REDIC1: variants seen among roughly 807,000 people sequenced by gnomAD.
REDIC1 encodes the protein regulator of DNA class I crossover intermediates 1.
the REDIC1 span, among the ~76,000 whole-genome samples, chr12:39,775,982 G>C: frequency 6.6e-6 from 1 of 152,128 alleles, no homozygotes; most frequent in Non-Finnish European, 1.5e-5. Context: ...GGAGCATTTT[G>C]GATTTTAGAT....
At chr12:39,643,997 T>C in the REDIC1 span, 5 of 1,170,222 alleles carry the variant, frequency 4.3e-6, no homozygotes, top group Middle Eastern at 2.2e-4. Flanking sequence ...TTTGTAATTT[T>C]TGAGCTCAAA....
chr12:39,864,728 C>T, the REDIC1 span: 1 of 1,608,134 alleles, frequency 6.2e-7, no homozygotes, highest in Non-Finnish European at 8.5e-7. Context: ...TTACCAGAGT[C>T]ATGTAAAGGA....
the REDIC1 span, among the ~76,000 whole-genome samples, chr12:39,690,845 A>C: frequency 6.6e-6 from 1 of 152,176 alleles, no homozygotes; most frequent in African/African-American, 2.4e-5. Context: ...ATTTGTGAAT[A>C]ACTTAGTGTC....
chr12:39,843,409 G>A, the REDIC1 span, among the ~76,000 whole-genome samples: 1 of 151,998 alleles, frequency 6.6e-6, no homozygotes, highest in Non-Finnish European at 1.5e-5. Flanking sequence ...CCAGCAGAAT[G>A]AAAATTTTAT....
At chr12:39,692,155 CT>C in the REDIC1 span, 1 of 1,408,050 alleles carries the variant, frequency 7.1e-7, no homozygotes, top group Non-Finnish European at 9.5e-7. Context: ...ATTTTAAAAA[CT>C]AACAATTAAA....
chr12:39,643,186 A>G, the REDIC1 span, among the ~76,000 whole-genome samples: 8 of 151,732 alleles, frequency 5.3e-5, no homozygotes, highest in African/African-American at 9.7e-5. Context: ...AAGAATGGCA[A>G]TAAGAAAGAA....
the REDIC1 span, among the ~76,000 whole-genome samples, chr12:39,872,578 C>T: frequency 1.3e-5 from 2 of 152,188 alleles, no homozygotes; most frequent in East Asian, 3.9e-4. Context: ...TGATTAAGCT[C>T]TGTAGACTCA....
At chr12:39,746,481 G>T in the REDIC1 span, among the ~76,000 whole-genome samples, 2 of 152,164 alleles carry the variant, frequency 1.3e-5, no homozygotes, top group Non-Finnish European at 2.9e-5. Context: ...GCCTGCCTCT[G>T]TAGACTCCAC....
the REDIC1 span, among the ~76,000 whole-genome samples, chr12:39,898,427 C>G: frequency 6.6e-6 from 1 of 152,060 alleles, no homozygotes; most frequent in East Asian, 1.9e-4. Context: ...AGTAAAATAA[C>G]CAGTGTTTGT....
chr12:39,627,397 T>A, the REDIC1 span, among the ~76,000 whole-genome samples: 1 of 152,216 alleles, frequency 6.6e-6, no homozygotes, highest in Admixed American at 6.5e-5. Context: ...AATTTAGTAT[T>A]CTTTAAAATA....
the REDIC1 span, chr12:39,864,752 G>A: frequency 6.2e-7 from 1 of 1,612,004 alleles, no homozygotes; most frequent in Non-Finnish European, 8.5e-7. Context: ...AGAACATAAT[G>A]GAATCTCACC....
At chr12:39,895,809 T>TACGTACACACATGTATATGCGTGTAC in the REDIC1 span, among the ~76,000 whole-genome samples, 1 of 93,016 alleles carries the variant, frequency 1.1e-5, no homozygotes, top group African/African-American at 4.5e-5. Flanking sequence ...TATGCGTGTA[T>TACGTACACACATGTATATGCGTGTAC]ACGTACACAC....
the REDIC1 span, among the ~76,000 whole-genome samples, chr12:39,711,571 G>C: frequency 1.2e-5 from 1 of 86,614 alleles, no homozygotes; most frequent in South Asian, 3.8e-4. Context: ...ATGTGTATAT[G>C]TGCATACACA....
chr12:39,688,332 G>A, the REDIC1 span, among the ~76,000 whole-genome samples: 1 of 152,206 alleles, frequency 6.6e-6, no homozygotes, highest in South Asian at 2.1e-4. Context: ...TGTGATGGAG[G>A]AGGTAACTTT....
the REDIC1 span, among the ~76,000 whole-genome samples, chr12:39,660,550 T>TA: frequency 2.0e-5 from 3 of 152,176 alleles, no homozygotes; most frequent in Admixed American, 2.0e-4. Flanking sequence ...TTGTACATAT[T>TA]ACTGGGGTAC....
At chr12:39,702,717 A>G in the REDIC1 span, among the ~76,000 whole-genome samples, 2 of 152,352 alleles carry the variant, frequency 1.3e-5, no homozygotes, top group South Asian at 2.1e-4. Context: ...CCAGCAGCAC[A>G]TGAAAAAGCT....
the REDIC1 span, among the ~76,000 whole-genome samples, chr12:39,900,553 CAGAG>C: frequency 6.6e-6 from 1 of 152,028 alleles, no homozygotes; most frequent in Non-Finnish European, 1.5e-5. Flanking sequence ...AACAGACAAA[CAGAG>C]AGCCAAATCA....
the REDIC1 span, among the ~76,000 whole-genome samples, chr12:39,748,167 T>G: frequency 2.6e-5 from 4 of 152,124 alleles, no homozygotes; most frequent in Admixed American, 2.6e-4. Flanking sequence ...GTGTGCTGTA[T>G]TCAGGAGACC....
At chr12:39,646,245 T>G in the REDIC1 span, 1 of 400,078 alleles carries the variant, frequency 2.5e-6, no homozygotes, top group East Asian at 4.8e-5. Flanking sequence ...TATATGTTTA[T>G]GTAATGAACA....
Sources: gnomAD v4.1 joint callset for allele counts (sites outside exome capture counted in the v4.1 genomes callset) on GRCh38, gnomAD v4.1.1 for gene constraint, MANE v1.5 for transcripts, NCBI Gene and HGNC (gene_info 2026-07-23, HGNC 2026-07-21) for gene names.